FUT8: variants seen among roughly 807,000 people sequenced by gnomAD.
FUT8 encodes alpha-(1,6)-fucosyltransferase.
Under a neutral mutation model 71.3 loss-of-function variants are expected in FUT8, and 29 were observed. That is an observed-to-expected ratio of 0.41 (90% CI 0.30 to 0.55). The LOEUF (loss-of-function observed/expected upper bound fraction) is 0.55. Ranked by LOEUF, FUT8 falls within the 20% of genes least tolerant of loss-of-function variation. The pLI is 0.34. For missense variants in FUT8, 544 were observed against 702.1 expected (o/e 0.77, Z 2.55); for synonymous variants, 254 against 239.3 (o/e 1.06, Z -0.57).
At chr14:65,402,541 G>A in the FUT8 span, among the ~76,000 whole-genome samples, 6 of 152,050 alleles carry the variant, frequency 3.9e-5, no homozygotes, top group African/African-American at 9.7e-5. Context: ...GGTGGCAGGC[G>A]CCTGTAATCG....
chr14:65,629,363 A>G, intron 5 of FUT8, 129 bp from the exon 6 acceptor site: 1 of 539,176 alleles, frequency 1.9e-6, no homozygotes, highest in Non-Finnish European at 3.3e-6. Context: ...GATAGAAAAT[A>G]AAAGATGAGT....
At chr14:65,460,382 T>C (rs1384732130) in intron 2 of FUT8, among the ~76,000 whole-genome samples, 1 of 152,202 alleles carries the variant, frequency 6.6e-6, no homozygotes, top group Non-Finnish European at 1.5e-5. Context: ...GGGAAAAAGG[T>C]TGGGCATATT....
intron 2 of FUT8, among the ~76,000 whole-genome samples, chr14:65,519,001 G>A (rs1882901966): frequency 6.6e-6 from 1 of 152,150 alleles, no homozygotes; most frequent in Non-Finnish European, 1.5e-5. Context: ...GGTCTACTAT[G>A]TATCAGACAC....
chr14:65,717,109 ACG>A (rs1895125271), intron 7 of FUT8, among the ~76,000 whole-genome samples: 1 of 84,760 alleles, frequency 1.2e-5, no homozygotes, highest in Admixed American at 1.4e-4. Flanking sequence ...TTCCCAGACG[ACG>A]GGCAGCCGGG....
chr14:65,364,013 G>A, the FUT8 span, among the ~76,000 whole-genome samples: 1 of 152,092 alleles, frequency 6.6e-6, no homozygotes, highest in Non-Finnish European at 1.5e-5. Context: ...TCTGATGCAG[G>A]GGTCCACATT....
Position 65,742,516 on chromosome 14 carries a change from GT to G in FUT8, c.*108del. The G allele has an allele frequency of 1.1e-6, 1 of 900,050 alleles. No homozygotes were observed. Among genetic ancestry groups the G allele is most frequent in the Non-Finnish European group, 1.7e-6 (1 of 599,658 alleles). The allele number at this position is 900,050 out of a possible 1,614,324, so 55.8% of individuals were successfully genotyped here. ...GAGGGCTCTGATCTAACAAAATAAG[GT>G]TATATGAGTAGATACTCTCAGCACC... On this transcript the variant is annotated 3_prime_UTR_variant, in exon 11 of 11. Transcript: ENST00000673929.
intron 3 of FUT8, among the ~76,000 whole-genome samples, chr14:65,608,171 C>T (rs1405874952): frequency 6.6e-6 from 1 of 150,722 alleles, no homozygotes; most frequent in Non-Finnish European, 1.5e-5. Flanking sequence ...TAGTTTAATT[C>T]CTCTAGAAAG....
intron 6 of FUT8, among the ~76,000 whole-genome samples, chr14:65,639,626 G>A (rs1199781826): frequency 6.6e-6 from 1 of 151,320 alleles, no homozygotes; most frequent in African/African-American, 2.4e-5. Context: ...CATATCTCTG[G>A]TACACTAAGT....
intron 1 of FUT8, among the ~76,000 whole-genome samples, chr14:65,437,620 A>G (rs922830102): frequency 2.0e-5 from 3 of 152,252 alleles, no homozygotes; most frequent in African/African-American, 7.2e-5. Flanking sequence ...ATTACTTGAC[A>G]TCATTAGTTC....
At chr14:65,575,655 G>A (rs1476811794) in intron 3 of FUT8, among the ~76,000 whole-genome samples, 1 of 127,696 alleles carries the variant, frequency 7.8e-6, no homozygotes, top group African/African-American at 3.1e-5. Context: ...CTCTTGCTCT[G>A]TCCCCCAGAC....
intron 3 of FUT8, among the ~76,000 whole-genome samples, chr14:65,611,211 GCGCGCGCGCGCGCACACACACACACACA>G (rs1888910589): frequency 1.2e-3 from 14 of 11,696 alleles, no homozygotes; most frequent in East Asian, 5.4e-3. Context: ...GCGCGCGCGC[GCGCGCGCGCGCGCACACACACACACACA>G]CACACACACA....
At chr14:65,362,007 T>C in the FUT8 span, among the ~76,000 whole-genome samples, 1 of 152,136 alleles carries the variant, frequency 6.6e-6, no homozygotes, top group Non-Finnish European at 1.5e-5. Flanking sequence ...TTGCAGCATA[T>C]CTTGTTTCAA....
intron 2 of FUT8, among the ~76,000 whole-genome samples, chr14:65,494,259 A>G (rs987055925): frequency 6.6e-6 from 1 of 152,154 alleles, no homozygotes; most frequent in African/African-American, 2.4e-5. Flanking sequence ...AAAAATATCA[A>G]TTAGAGTTTT....
chr14:65,501,125 C>T (rs575867283), intron 2 of FUT8, among the ~76,000 whole-genome samples: 2 of 152,298 alleles, frequency 1.3e-5, no homozygotes, highest in South Asian at 4.1e-4. Context: ...GTCAGGAAAA[C>T]AGTCCACACT....
intron 3 of FUT8, among the ~76,000 whole-genome samples, chr14:65,580,388 G>A (rs745386038): frequency 8.6e-5 from 13 of 151,520 alleles, no homozygotes; most frequent in Non-Finnish European, 1.5e-4. Context: ...TGTTATATAT[G>A]CGGTCCATTG....
At chr14:65,410,710 AT>A (rs1413611133), upstream of FUT8, 1 of 151,866 alleles carries the variant, frequency 6.6e-6, no homozygotes, top group Non-Finnish European at 1.5e-5. Context: ...GTACTTGGGT[AT>A]CTCAAAGTAT....
chr14:65,677,151 T>TGTGTGTGCGCAC, intron 7 of FUT8, among the ~76,000 whole-genome samples: 2 of 110,702 alleles, frequency 1.8e-5, no homozygotes, highest in Non-Finnish European at 3.6e-5. Flanking sequence ...TGTGTGTGTG[T>TGTGTGTGCGCAC]GCGCGCGCGC....
At chr14:65,410,037 C>A (rs937153004), upstream of FUT8, among the ~76,000 whole-genome samples, 1 of 152,044 alleles carries the variant, frequency 6.6e-6, no homozygotes, top group Non-Finnish European at 1.5e-5. Context: ...CAGGGTGGGA[C>A]CTGCAGCTTG....
intron 2 of FUT8, among the ~76,000 whole-genome samples, chr14:65,485,057 C>T (rs2066388069): frequency 6.6e-6 from 1 of 151,994 alleles, no homozygotes; most frequent in South Asian, 2.1e-4. Flanking sequence ...AACTTTTAGA[C>T]TAGGCGTGGT....
Sources: gnomAD v4.1 joint callset for allele counts (sites outside exome capture counted in the v4.1 genomes callset) on GRCh38, gnomAD v4.1.1 for gene constraint, MANE v1.5 for transcripts, NCBI Gene and HGNC (gene_info 2026-07-23, HGNC 2026-07-21) for gene names.